The following KIAA1217 variants were observed in gnomAD, a reference collection of about 807,000 sequenced individuals.
KIAA1217 encodes the protein KIAA1217, also known as sickle tail protein homolog.
In KIAA1217, 88 loss-of-function variants were observed where a neutral mutation model predicts 163.9. The ratio of observed to expected loss-of-function variants is 0.54; its 90% CI spans 0.45 to 0.64. The LOEUF (loss-of-function observed/expected upper bound fraction) is 0.64. Among genes scored for constraint, KIAA1217 ranks in the 30% least tolerant of loss-of-function variants. KIAA1217 has a pLI of 0.00. For missense variants in KIAA1217, 2,372 were observed against 2,475.0 expected (o/e 0.96, Z 0.88); for synonymous variants, 903 against 923.1 (o/e 0.98, Z 0.39).
At chr10:23,987,376 C>CAAAAAAA (rs34281134) in intron 1 of KIAA1217, among the ~76,000 whole-genome samples, 6 of 93,574 alleles carry the variant, frequency 6.4e-5, no homozygotes, top group Non-Finnish European at 8.5e-5. Context: ...GACTCCATCT[C>CAAAAAAA]AAAAAAAAAA....
At chr10:23,741,965 G>A (rs1443819488) in intron 1 of KIAA1217, among the ~76,000 whole-genome samples, 1 of 152,172 alleles carries the variant, frequency 6.6e-6, no homozygotes, top group Non-Finnish European at 1.5e-5. Flanking sequence ...GAGCAGGTGA[G>A]TGATGTAGTT....
At chr10:23,897,090 T>G (rs970097119) in intron 1 of KIAA1217, among the ~76,000 whole-genome samples, 7 of 152,066 alleles carry the variant, frequency 4.6e-5, no homozygotes, top group Non-Finnish European at 8.8e-5. Context: ...TCTGCAAGCG[T>G]TCATATAGTT....
At chr10:24,406,144 A>G (rs1215897567) in intron 3 of KIAA1217, among the ~76,000 whole-genome samples, 1 of 152,188 alleles carries the variant, frequency 6.6e-6, no homozygotes, top group East Asian at 1.9e-4. Flanking sequence ...CCATCATTCA[A>G]TGAGTTGTGC....
chr10:24,396,875 C>T (rs1048575398), intron 3 of KIAA1217, among the ~76,000 whole-genome samples: 5 of 152,276 alleles, frequency 3.3e-5, no homozygotes, highest in Admixed American at 3.3e-4. Context: ...AGTGGCGCCA[C>T]TTCAGATTTA....
At chr10:24,286,644 C>G (rs2078572366) in intron 2 of KIAA1217, among the ~76,000 whole-genome samples, 2 of 152,140 alleles carry the variant, frequency 1.3e-5, no homozygotes, top group African/African-American at 4.8e-5. Context: ...TTTATATTCT[C>G]TTCATCCTTT....
chr10:24,024,847 A>T (rs1427444091), intron 2 of KIAA1217, among the ~76,000 whole-genome samples: 2 of 151,682 alleles, frequency 1.3e-5, no homozygotes. Context: ...TGGTGAATTG[A>T]CTTTTCAAAT....
At chr10:24,073,100 C>T (rs2061246254) in intron 2 of KIAA1217, among the ~76,000 whole-genome samples, 2 of 151,614 alleles carry the variant, frequency 1.3e-5, no homozygotes, top group Admixed American at 6.6e-5. Flanking sequence ...GAAGCACTAG[C>T]TTTTCAAACA....
chr10:24,368,154 T>G (rs2051048553), intron 2 of KIAA1217, among the ~76,000 whole-genome samples: 1 of 152,238 alleles, frequency 6.6e-6, no homozygotes, highest in South Asian at 2.1e-4. Flanking sequence ...TATCCTTAAT[T>G]TTATTCTTAA....
At chr10:24,438,661 C>T (rs2060252968) in intron 5 of KIAA1217, among the ~76,000 whole-genome samples, 182 bp downstream of exon 5, 1 of 152,016 alleles carries the variant, frequency 6.6e-6, no homozygotes, top group African/African-American at 2.4e-5. Context: ...TTATTTAGGG[C>T]AAAGGGATTA....
At chr10:24,039,290 T>C (rs1291139026) in intron 2 of KIAA1217, among the ~76,000 whole-genome samples, 2 of 152,094 alleles carry the variant, frequency 1.3e-5, no homozygotes, top group Non-Finnish European at 2.9e-5. Flanking sequence ...TCTGTTGATA[T>C]ACACACAGTC....
intron 2 of KIAA1217, among the ~76,000 whole-genome samples, chr10:24,309,747 A>C (rs2042467804): frequency 6.6e-6 from 1 of 152,056 alleles, no homozygotes; most frequent in Non-Finnish European, 1.5e-5. Flanking sequence ...CATCTCCTAA[A>C]AGGAGAGAAT....
At chr10:23,729,001 A>G (rs1208268816) in intron 1 of KIAA1217, among the ~76,000 whole-genome samples, 5 of 152,226 alleles carry the variant, frequency 3.3e-5, no homozygotes, top group Non-Finnish European at 7.4e-5. Context: ...TACTGTCTCC[A>G]TAGTTTTGCC....
At chr10:24,430,951 T>G (rs1264370019) in intron 3 of KIAA1217, among the ~76,000 whole-genome samples, 3 of 152,182 alleles carry the variant, frequency 2.0e-5, no homozygotes, top group African/African-American at 7.2e-5. Flanking sequence ...AAAATCAAGT[T>G]CAGTCAGGCA....
In KIAA1217 at chr10:24,545,908, T is replaced by C. The variant is rs573242251; in HGVS notation, c.5416T>C (p.Ser1806Pro). Residue 1806 changes from serine to proline, a missense_variant, in exon 21 of 21, where the codon TCT becomes CCT. Ser to Pro is a moderately conservative substitution (Grantham distance 74). Transcript: ENST00000376454. ...SLPASKIPALSPSSGKSSSLP... is the reference protein window; with the variant it reads ...SLPASKIPALPPSSGKSSSLP... The stretch of plus-strand genomic sequence containing the variant: ...ACCTGCTTCTAAGATTCCAGCCCTT[T>C]CTCCCAGCTCTGGGAAAAGCAGTTC... 2.4e-5 allele frequency: 38 copies of C among 1,614,092 alleles called. No individual in the cohort carries two copies. In the South Asian group the frequency reaches 4.1e-4, roughly 17 times the overall value.
At chr10:24,530,739 A>C (rs995115652) in intron 14 of KIAA1217, among the ~76,000 whole-genome samples, 7 of 152,116 alleles carry the variant, frequency 4.6e-5, no homozygotes, top group Non-Finnish European at 1.0e-4. Context: ...TCTTTACAAA[A>C]ATTAAAAAAT....
At chr10:24,239,324 A>G in intron 2 of KIAA1217, 1 of 984,358 alleles carries the variant, frequency 1.0e-6, no homozygotes. Context: ...TCACCTGTGG[A>G]GCTCTGGGTA....
intron 2 of KIAA1217, among the ~76,000 whole-genome samples, chr10:24,319,198 C>T (rs1289133863): frequency 6.6e-6 from 1 of 151,808 alleles, no homozygotes; most frequent in South Asian, 2.1e-4. Context: ...GCCAACATGG[C>T]GAAACACCGT....
At chr10:24,378,336 G>A (rs1406819653) in intron 2 of KIAA1217, among the ~76,000 whole-genome samples, 1 of 152,080 alleles carries the variant, frequency 6.6e-6, no homozygotes, top group Non-Finnish European at 1.5e-5. Flanking sequence ...GTCCAATCAG[G>A]AAAGACCAGG....
At chr10:24,074,700 CTTCTTT>C (rs1272880944) in intron 2 of KIAA1217, among the ~76,000 whole-genome samples, 2 of 114,530 alleles carry the variant, frequency 1.7e-5, no homozygotes, top group African/African-American at 6.3e-5. Flanking sequence ...TCTTCTTCTT[CTTCTTT>C]TTTTTTTTTT....
Sources: allele counts gnomAD v4.1 joint callset (sites outside exome capture counted in the v4.1 genomes callset), GRCh38; gene constraint gnomAD v4.1.1; transcripts MANE v1.5; gene names NCBI Gene and HGNC (gene_info 2026-07-23, HGNC 2026-07-21).